The following SEMA4B variants were observed in gnomAD, a reference collection of about 807,000 sequenced individuals.
The protein encoded by SEMA4B is semaphorin 4B.
SEMA4B carries 55 observed loss-of-function variants against 88.1 expected under a neutral mutation model. The observed-to-expected ratio is 0.62, with a 90% CI of 0.50 to 0.78. The LOEUF (loss-of-function observed/expected upper bound fraction) is 0.78, where lower values mean the gene tolerates loss of function less well. Ranked by LOEUF, SEMA4B falls within the 30% of genes least tolerant of loss-of-function variation. SEMA4B has a pLI of 0.00. For missense variants in SEMA4B, 1,062 were observed against 1,111.9 expected, an observed-to-expected ratio of 0.96 and a Z score of 0.64; for synonymous variants, 525 against 473.6, an observed-to-expected ratio of 1.11 and a Z score of -1.41.
At chr15:90,218,611 G>A (rs1961650838) in intron 3 of SEMA4B, among the ~76,000 whole-genome samples, 1 of 152,106 alleles carries the variant, frequency 6.6e-6, no homozygotes. Flanking sequence ...TCAGGAGTTC[G>A]AGACCAGCCA....
chr15:90,229,391 C>G lies in SEMA4B; in HGVS notation c.*748C>G. 2.2e-6 allele frequency: 1 copy of G among 456,716 alleles called. No homozygotes were observed. Among genetic ancestry groups the G allele is most frequent in the South Asian group, 1.5e-5 (1 of 64,568 alleles). 28.3% of individuals were successfully genotyped at this position (456,716 alleles called of 1,614,324 possible). ...CAGAATTCAGGGAAGAGACTGTCGCCTGCCTTCCTCCGTTGTTGCGTGAGA... is the reference window on the plus strand; with the variant it reads ...CAGAATTCAGGGAAGAGACTGTCGCGTGCCTTCCTCCGTTGTTGCGTGAGA... On this transcript the variant is annotated 3_prime_UTR_variant, in exon 14 of 14. Transcript: ENST00000411539.
chr15:90,207,778 G>A (rs763812607), intron 1 of SEMA4B, among the ~76,000 whole-genome samples: 2 of 152,228 alleles, frequency 1.3e-5, no homozygotes, highest in Admixed American at 1.3e-4. Flanking sequence ...TCTGGACGGG[G>A]CAGGGGATCC....
At chr15:90,220,370 T>C (rs1324580916) in intron 4 of SEMA4B, among the ~76,000 whole-genome samples, 23 of 137,496 alleles carry the variant, frequency 1.7e-4, no homozygotes, top group African/African-American at 5.5e-4. Context: ...TTCTTTTCTT[T>C]TTTTTTTTTT....
intron 1 of SEMA4B, among the ~76,000 whole-genome samples, chr15:90,209,074 C>T (rs1190472855): frequency 6.6e-6 from 1 of 152,170 alleles, no homozygotes; most frequent in Non-Finnish European, 1.5e-5. Flanking sequence ...AGGACCTCCA[C>T]GTTGCCCCAT....
At chr15:90,201,262 A>AGGAAGGG (rs1158070276), upstream of SEMA4B, 10 of 1,031,214 alleles carry the variant, frequency 9.7e-6, no homozygotes, top group Non-Finnish European at 9.4e-6. Context: ...CCCGGGAAGG[A>AGGAAGGG]GGAAGGGGGA....
chr15:90,224,214 C>A (rs1302990457), intron 9 of SEMA4B, among the ~76,000 whole-genome samples: 1 of 152,192 alleles, frequency 6.6e-6, no homozygotes, highest in East Asian at 1.9e-4. Flanking sequence ...CAAGTGTGTC[C>A]CCATCAGGGC....
upstream of SEMA4B, among the ~76,000 whole-genome samples, chr15:90,197,528 C>T (rs571493346): frequency 4.4e-3 from 663 of 151,464 alleles, 3 homozygotes; most frequent in Non-Finnish European, 8.2e-3. Context: ...AGCTCCGCCT[C>T]CCGGGTTCAC....
At chr15:90,227,676 G>A (rs1164314829) in intron 13 of SEMA4B, 34 bp downstream of exon 13, 2 of 1,605,144 alleles carry the variant, frequency 1.2e-6, no homozygotes, top group East Asian at 2.2e-5. Context: ...GAGGAGAGAG[G>A]TGGGGACAAG....
chr15:90,220,407 G>A (rs376778864), intron 4 of SEMA4B, among the ~76,000 whole-genome samples: 63 of 127,556 alleles, frequency 4.9e-4, no homozygotes, highest in East Asian at 4.3e-3. Flanking sequence ...TCGCTCTGTC[G>A]CCCAGGCTGG....
chr15:90,213,961 G>A (rs1008216961), intron 1 of SEMA4B, among the ~76,000 whole-genome samples: 5 of 152,186 alleles, frequency 3.3e-5, no homozygotes, highest in Non-Finnish European at 5.9e-5. Context: ...GGCCGGGCTC[G>A]GTGGCTCAGC....
At chr15:90,214,041 A>C (rs1393924321) in intron 1 of SEMA4B, among the ~76,000 whole-genome samples, 1 of 152,200 alleles carries the variant, frequency 6.6e-6, no homozygotes. Context: ...ATTTGCTGCC[A>C]GGTGTAAAGC....
rs984749245 is a variant in SEMA4B at position 90,201,671 on chromosome 15, G to C, written c.93G>C (p.Leu31=). ...CACCGCTGCTGCTGCTCCTGCTGCT[G>C]CTGCTCCTGCTGCAGCCGCCGCCTC... ...PRPPLLLLLL[L]LLLLQPPPPT... is the part of the protein sequence containing the mutation. Residue 31 remains leucine (L), a synonymous_variant, in exon 1 of 14, where the codon CTG becomes CTC. Coordinates refer to ENST00000411539, the MANE Select transcript of SEMA4B (RefSeq NM_198925.4). The C allele has an allele frequency of 6.6e-7, 1 of 1,515,066 alleles. No homozygotes were observed. Among genetic ancestry groups the C allele is most frequent in the African/African-American group, 1.4e-5 (1 of 69,878 alleles). The allele number at this position is 1,515,066 out of a possible 1,614,324, so 93.9% of individuals were successfully genotyped here. A position where few individuals can be genotyped will look rare whatever the true frequency, so the allele number is the denominator to read the frequency against.
intron 1 of SEMA4B, among the ~76,000 whole-genome samples, chr15:90,214,068 G>T (rs533430262): frequency 1.6e-4 from 24 of 152,160 alleles, no homozygotes; most frequent in Non-Finnish European, 3.4e-4. Flanking sequence ...TCGGCTGGGC[G>T]CGGTGGCTCA....
intron 1 of SEMA4B, 27 bp downstream of exon 1, chr15:90,201,762 G>T (rs1179397147): frequency 1.2e-5 from 16 of 1,384,074 alleles, no homozygotes; most frequent in Non-Finnish European, 1.4e-5. Context: ...CGGGGACGCG[G>T]GCCGGGGGAA....
At position 90,228,149 on chromosome 15, in the gene SEMA4B, G is replaced by A; in HGVS notation, c.2020G>A (p.Val674Met). The A allele has an allele frequency of 1.9e-6, 3 of 1,611,582 alleles. No homozygotes were observed. The highest frequency in any genetic ancestry group is 1.7e-6 in the Non-Finnish European group (2 of 1,178,904). ...GCTGGTAGCCAGCTACTGCCCAGAG[G>A]TGGTGGAGGACGGGGTGGCAGACCA... ...QQLVASYCPE[V>M]VEDGVADQTD... The change falls in exon 14 of 14, where the codon GTG becomes ATG. Residue 674 changes from valine (V) to methionine (M), a missense_variant. Coordinates refer to ENST00000411539, the MANE Select transcript of SEMA4B (RefSeq NM_198925.4).
chr15:90,197,524 G>A (rs1436445208), upstream of SEMA4B, among the ~76,000 whole-genome samples: 11 of 148,926 alleles, frequency 7.4e-5, no homozygotes, highest in East Asian at 4.1e-4. Context: ...TGCAAGCTCC[G>A]CCTCCCGGGT....
At position 90,228,111 on chromosome 15, in the gene SEMA4B, A is replaced by G; in HGVS notation, c.1982A>G (p.Glu661Gly). 6.2e-7 allele frequency: 1 copy of G among 1,611,904 alleles called. No homozygotes were observed. Residue 661 changes from glutamate (E) to glycine (G), a missense_variant, in exon 14 of 14, where the codon GAG (glutamate) becomes GGG (glycine). Coordinates refer to ENST00000411539, the MANE Select transcript of SEMA4B (RefSeq NM_198925.4). Reference protein sequence around the residue: ...LGEFQCWSLEEGFQQLVASYC... With the variant: ...LGEFQCWSLEGGFQQLVASYC... ...GAGTTCCAGTGCTGGTCACTAGAGGAGGGCTTCCAGCAGCTGGTAGCCAGC... is the reference window on the plus strand; with the variant it reads ...GAGTTCCAGTGCTGGTCACTAGAGGGGGGCTTCCAGCAGCTGGTAGCCAGC...
rs928049068 is a variant in SEMA4B, at chr15:90,221,364, C to T, written c.596-3C>T. ...CATTCCCATGGGAATGTTTTCTTGG[C>T]AGATGGCGAGCTCTACACTGGAACA... On this transcript the variant is annotated splice_polypyrimidine_tract_variant and splice_region_variant and intron_variant, in intron 5 of 13. Coordinates refer to ENST00000411539, the MANE Select transcript of SEMA4B (RefSeq NM_198925.4). 8 of 1,516,750 alleles carry T rather than the reference C, an allele frequency of 5.3e-6. No homozygotes were observed. The highest frequency in any genetic ancestry group is 6.2e-6 in the Non-Finnish European group (7 of 1,129,304). 94.0% of individuals were successfully genotyped at this position (1,516,750 alleles called of 1,614,324 possible).
At chr15:90,187,382 A>G (rs1374590043) in intron 1 of SEMA4B, among the ~76,000 whole-genome samples, 1 of 152,238 alleles carries the variant, frequency 6.6e-6, no homozygotes, top group Non-Finnish European at 1.5e-5. Flanking sequence ...CAGCTAGAGC[A>G]GAAGACATTT....
Sources: gnomAD v4.1 joint callset for allele counts (sites outside exome capture counted in the v4.1 genomes callset) on GRCh38, gnomAD v4.1.1 for gene constraint, MANE v1.5 for transcripts, NCBI Gene and HGNC (gene_info 2026-07-23, HGNC 2026-07-21) for gene names.